Variants in TANC1 observed in about 807,000 individuals in gnomAD.
TANC1 encodes the protein tetratricopeptide repeat, ankyrin repeat and coiled-coil containing 1, also known as protein TANC1.
In TANC1, 77 loss-of-function variants were observed where a neutral mutation model predicts 149.7. The ratio of observed to expected loss-of-function variants is 0.51; its 90% CI spans 0.43 to 0.62. The LOEUF (loss-of-function observed/expected upper bound fraction) is 0.62. TANC1 is among the 20% of genes least tolerant of loss of function. The pLI is 0.00. For synonymous variants in TANC1, 854 were observed against 925.0 expected, an observed-to-expected ratio of 0.92 and a Z score of 1.39; for missense variants, 1,985 against 2,321.8, an observed-to-expected ratio of 0.85 and a Z score of 2.98.
At chr2:159,144,284 G>A (rs888935201) in intron 5 of TANC1, among the ~76,000 whole-genome samples, 1 of 152,064 alleles carries the variant, frequency 6.6e-6, no homozygotes, top group East Asian at 1.9e-4. Context: ...AAATTTTGAA[G>A]GTAACCTGCA....
Position 159,230,461 on chromosome 2 carries a change from A to G in TANC1, c.5035A>G (p.Thr1679Ala). The G allele has an allele frequency of 6.2e-7, 1 of 1,614,172 alleles. No individual in the cohort carries two copies. The highest frequency in any genetic ancestry group is 1.3e-5 in the African/African-American group (1 of 75,054). Residue 1679 changes from threonine (T) to alanine (A), a missense_variant, in exon 27 of 27, where the codon ACC becomes GCC. Around this residue, in one of 3 missense-constraint regions of TANC1, gnomAD observed 920 missense variants for 994.7 expected, o/e 0.92. Coordinates refer to ENST00000263635, the MANE Select transcript of TANC1 (RefSeq NM_033394.3). This position sits in a 1 kb window ranked among gnomAD's most constrained non-coding sequence, Gnocchi z 4.4. ...PSSSIKMSSS[T>A]SSLTSSSSFS... ...CAGCAGCATAAAGATGTCAAGTTCA[A>G]CCAGTAGTTTGACTTCGAGCAGCAG...
intron 4 of TANC1, among the ~76,000 whole-genome samples, chr2:159,125,132 A>G (rs1222744208): frequency 6.6e-6 from 1 of 151,882 alleles, no homozygotes; most frequent in African/African-American, 2.4e-5. Context: ...GCTCACAACC[A>G]GGCATGAATG....
chr2:159,063,443 T>C (rs1019800715), intron 2 of TANC1, among the ~76,000 whole-genome samples: 1 of 152,182 alleles, frequency 6.6e-6, no homozygotes, highest in Admixed American at 6.5e-5. Flanking sequence ...CCAGAGACGA[T>C]TGAAACTTCC....
intron 4 of TANC1, among the ~76,000 whole-genome samples, chr2:159,108,918 C>T (rs1352761358): frequency 6.6e-6 from 1 of 152,126 alleles, no homozygotes; most frequent in East Asian, 1.9e-4. Flanking sequence ...TGGGGTGGGG[C>T]CTATCGAGAT....
chr2:159,223,999 G>A (rs148057271), intron 22 of TANC1, among the ~76,000 whole-genome samples: 105 of 152,338 alleles, frequency 6.9e-4, no homozygotes, highest in African/African-American at 2.4e-3. Flanking sequence ...CTGTGGTAGC[G>A]TGTCCCCTGC....
chr2:159,111,416 G>GC (rs2047702604), intron 4 of TANC1, among the ~76,000 whole-genome samples: 1 of 152,234 alleles, frequency 6.6e-6, no homozygotes, highest in African/African-American at 2.4e-5. Context: ...AGCACTTGAG[G>GC]CAGAAGCCTT....
intron 3 of TANC1, among the ~76,000 whole-genome samples, chr2:159,080,676 C>A (rs1343442558): frequency 6.6e-6 from 1 of 152,180 alleles, no homozygotes; most frequent in Non-Finnish European, 1.5e-5. Flanking sequence ...TACGCATCAC[C>A]CCTTTTTCCA....
rs371199083 is a variant in TANC1 at position 159,170,761 on chromosome 2, G to T, written c.1307G>T (p.Arg436Leu). Reference sequence around the variant, plus strand: ...GTGGCCCTGAGCTGCCACGGAAGCCGCATGAGGCAGATTGCTTCCAACAGC... The same window carrying T: ...GTGGCCCTGAGCTGCCACGGAAGCCTCATGAGGCAGATTGCTTCCAACAGC... ...KLVALSCHGS[R>L]MRQIASNSPG... The change falls in exon 10 of 27, where the codon CGC becomes CTC. Residue 436 changes from arginine (R) to leucine (L), a missense_variant. Transcript: ENST00000263635. The T allele has an allele frequency of 6.4e-5, 104 of 1,614,078 alleles. No individual in the cohort carries two copies. The highest frequency in any genetic ancestry group is 8.4e-5 in the Non-Finnish European group (99 of 1,180,032).
At chr2:159,129,191 A>G (rs772999691) in intron 4 of TANC1, among the ~76,000 whole-genome samples, 13 of 152,188 alleles carry the variant, frequency 8.5e-5, no homozygotes, top group Non-Finnish European at 1.6e-4. Context: ...TTGCTTTCAT[A>G]TAAATATATA....
intron 19 of TANC1, among the ~76,000 whole-genome samples, chr2:159,209,123 T>C (rs935944331): frequency 1.3e-5 from 2 of 152,230 alleles, no homozygotes; most frequent in African/African-American, 4.8e-5. Context: ...GTGAGGTCAC[T>C]GAGCAGCAGC....
chr2:159,140,680 T>G (rs1272761093), intron 5 of TANC1, among the ~76,000 whole-genome samples: 2 of 138,686 alleles, frequency 1.4e-5, no homozygotes, highest in Non-Finnish European at 3.1e-5. Flanking sequence ...CAGATGGAGA[T>G]TCTCTATTTT....
At chr2:159,153,025 C>A (rs1249256211) in intron 7 of TANC1, among the ~76,000 whole-genome samples, 1 of 152,078 alleles carries the variant, frequency 6.6e-6, no homozygotes, top group Non-Finnish European at 1.5e-5. Flanking sequence ...CTCAATATTC[C>A]CCTTCAGTGT....
intron 15 of TANC1, 139 bp downstream of exon 15, chr2:159,186,038 C>T: frequency 1.5e-6 from 1 of 649,614 alleles, no homozygotes. Flanking sequence ...TCCTGCCTCC[C>T]CTCTCCAAAA....
chr2:159,077,354 A>G (rs922394486), intron 3 of TANC1, among the ~76,000 whole-genome samples: 12 of 152,224 alleles, frequency 7.9e-5, no homozygotes, highest in African/African-American at 1.4e-4. Context: ...AACTCCATAA[A>G]TGTAATAGTG....
rs895519735 is a variant in TANC1, at chr2:159,097,983, T to A, written c.259+149T>A. 1.0e-4 allele frequency: 68 copies of A among 669,786 alleles called. 2 individuals are homozygous for A. In the South Asian group the frequency reaches 1.3e-3, roughly 13 times the overall value. The allele number at this position is 669,786 out of a possible 1,614,324, so 41.5% of individuals were successfully genotyped here. On this transcript the variant is annotated intron_variant, in intron 4 of 26. Coordinates refer to ENST00000263635, the MANE Select transcript of TANC1 (RefSeq NM_033394.3). ...GAAGAAATAAATCTTTTTTTTTTTT[T>A]AATTTAAGGAAAAAGTATGGTTTTA...
At chr2:159,148,493 T>C (rs2052399543) in intron 5 of TANC1, 1 of 152,248 alleles carries the variant, frequency 6.6e-6, no homozygotes, top group African/African-American at 2.4e-5. Context: ...TTTTTCTACA[T>C]CTTTGCATGG....
chr2:158,971,348 T>C (rs2032850710), intron 1 of TANC1, among the ~76,000 whole-genome samples: 1 of 152,208 alleles, frequency 6.6e-6, no homozygotes, highest in African/African-American at 2.4e-5. Context: ...AGATTTTGTC[T>C]CAGTTGGGTT....
At chr2:159,228,538 C>T (rs1326917838) in intron 25 of TANC1, 7 of 450,690 alleles carry the variant, frequency 1.6e-5, no homozygotes, top group South Asian at 5.3e-5. Context: ...GCCCCTCCAC[C>T]GGGCTGTGAG....
intron 2 of TANC1, among the ~76,000 whole-genome samples, chr2:159,038,630 T>A (rs2040391183): frequency 6.6e-6 from 1 of 152,208 alleles, no homozygotes; most frequent in Non-Finnish European, 1.5e-5. Context: ...TGTCTTTGGT[T>A]CTGTTTATGT....
Sources: gnomAD v4.1 joint callset for allele counts (sites outside exome capture counted in the v4.1 genomes callset) on GRCh38, gnomAD v4.1.1 for gene constraint, gnomAD v4.1.1 regional missense constraint, Gnocchi (gnomAD v3.1) non-coding constraint, MANE v1.5 for transcripts, NCBI Gene and HGNC (gene_info 2026-07-23, HGNC 2026-07-21) for gene names.